Variants in CDK5RAP1 observed in about 807,000 individuals in gnomAD.
CDK5RAP1 encodes the protein CDK5RAP1 mitochondrial tRNA methylthiotransferase.
A neutral mutation model predicts 64.5 loss-of-function variants in CDK5RAP1; 62 were observed. The ratio of observed to expected loss-of-function variants is 0.96; its 90% CI spans 0.78 to 1.19. CDK5RAP1 has a LOEUF of 1.19. Among genes scored for constraint, CDK5RAP1 ranks in the 50% most tolerant of loss-of-function variants. CDK5RAP1 has a pLI of 0.00. For synonymous variants in CDK5RAP1, 250 were observed against 261.9 expected (o/e 0.95, Z 0.44); for missense variants, 657 against 735.0 (o/e 0.89, Z 1.23).
intron 5 of CDK5RAP1, among the ~76,000 whole-genome samples, 200 bp from the exon 6 acceptor site, chr20:33,387,733 A>G (rs1396585565): frequency 1.3e-5 from 2 of 152,096 alleles, no homozygotes; most frequent in Non-Finnish European, 2.9e-5. Flanking sequence ...AAAACCACAG[A>G]AAAGGGTTCC....
intron 12 of CDK5RAP1, among the ~76,000 whole-genome samples, chr20:33,362,077 G>A (rs1983048427): frequency 6.6e-6 from 1 of 152,032 alleles, no homozygotes; most frequent in African/African-American, 2.4e-5. Context: ...GTGGAGGTGG[G>A]TGGAAGAGGA....
chr20:33,374,469 T>C (rs1017582325), intron 8 of CDK5RAP1, among the ~76,000 whole-genome samples: 6 of 151,796 alleles, frequency 4.0e-5, no homozygotes, highest in African/African-American at 1.5e-4. Context: ...ATTAAAGCCA[T>C]GGGAGCTGAA....
In CDK5RAP1 at chr20:33,367,027, A is replaced by AG; in HGVS notation, c.1393-20dup. 6.3e-7 allele frequency: 1 copy of AG among 1,590,740 alleles called. No individual in the cohort carries two copies. Among genetic ancestry groups the AG allele is most frequent in the Non-Finnish European group, 8.5e-7 (1 of 1,170,864 alleles). On this transcript the variant is annotated intron_variant, in intron 11 of 13. Transcript: ENST00000346416. ...GTGTCTTCTATTAAAAAAAAAAAAA[A>AG]GAGAGAAGATGGAGGTCACCAAGGA...
intron 5 of CDK5RAP1, among the ~76,000 whole-genome samples, chr20:33,390,567 A>AAT (rs1460195096): frequency 6.6e-6 from 1 of 152,162 alleles, no homozygotes; most frequent in East Asian, 1.9e-4. Flanking sequence ...AAACAATGTG[A>AAT]ATATACTTAG....
chr20:33,393,422 A>C (rs756604378), intron 4 of CDK5RAP1, among the ~76,000 whole-genome samples: 11 of 152,096 alleles, frequency 7.2e-5, no homozygotes, highest in South Asian at 2.1e-4. Context: ...CCCATATCAG[A>C]CTAGGCTCCT....
chr20:33,370,416 T>G (rs1294496299), intron 11 of CDK5RAP1, 83 bp downstream of exon 11: 3 of 1,460,320 alleles, frequency 2.1e-6, no homozygotes, highest in Non-Finnish European at 2.8e-6. Flanking sequence ...TTGCCGCCAC[T>G]CTCTTTTCTG....
intron 1 of CDK5RAP1, among the ~76,000 whole-genome samples, chr20:33,400,671 C>T (rs1989320821): frequency 6.6e-6 from 1 of 152,076 alleles, no homozygotes; most frequent in Non-Finnish European, 1.5e-5. Flanking sequence ...AAAACTTAGC[C>T]GGGTGTGGTG....
intron 2 of CDK5RAP1, among the ~76,000 whole-genome samples, chr20:33,396,270 G>C (rs919689490): frequency 6.6e-6 from 1 of 152,222 alleles, no homozygotes; most frequent in African/African-American, 2.4e-5. Context: ...GTAAGAATAT[G>C]AATTTCACAT....
chr20:33,384,082 A>T (rs1032344440), intron 7 of CDK5RAP1, among the ~76,000 whole-genome samples: 1 of 152,152 alleles, frequency 6.6e-6, no homozygotes, highest in Non-Finnish European at 1.5e-5. Context: ...CCAATAGATA[A>T]CCATTGTTTG....
chr20:33,396,448 A>C (rs1276472517), intron 2 of CDK5RAP1, among the ~76,000 whole-genome samples: 1 of 152,132 alleles, frequency 6.6e-6, no homozygotes, highest in Non-Finnish European at 1.5e-5. Context: ...CTACAGGTGC[A>C]CACTATCATA....
chr20:33,396,567 T>C (rs1330649545), intron 2 of CDK5RAP1, among the ~76,000 whole-genome samples, 194 bp downstream of exon 2: 1 of 152,178 alleles, frequency 6.6e-6, no homozygotes, highest in Non-Finnish European at 1.5e-5. Flanking sequence ...CCCAAAGTGC[T>C]GGGATTACAG....
At chr20:33,367,967 T>C (rs1425850728) in intron 11 of CDK5RAP1, among the ~76,000 whole-genome samples, 1 of 152,200 alleles carries the variant, frequency 6.6e-6, no homozygotes, top group African/African-American at 2.4e-5. Flanking sequence ...CTCCATTCTG[T>C]CTTACTACTA....
intron 11 of CDK5RAP1, 46 bp downstream of exon 11, chr20:33,370,453 A>T (rs1245953949): frequency 6.2e-6 from 10 of 1,608,162 alleles, no homozygotes; most frequent in Non-Finnish European, 8.5e-6. Flanking sequence ...CACCACCCCC[A>T]AACTGGTCAG....
At chr20:33,375,213 C>A (rs1348010214) in intron 8 of CDK5RAP1, among the ~76,000 whole-genome samples, 1 of 151,446 alleles carries the variant, frequency 6.6e-6, no homozygotes, top group African/African-American at 2.4e-5. Context: ...ACCAGCTTGG[C>A]CAACATGGTA....
At chr20:33,359,281 A>C in intron 13 of CDK5RAP1, 158 bp from the exon 14 acceptor site, 1 of 607,598 alleles carries the variant, frequency 1.6e-6, no homozygotes, top group Non-Finnish European at 2.9e-6. Context: ...TCCTGGCAGG[A>C]AGCGAGGTCT....
At chr20:33,381,786 C>T (rs549464972) in intron 7 of CDK5RAP1, among the ~76,000 whole-genome samples, 12 of 151,910 alleles carry the variant, frequency 7.9e-5, no homozygotes, top group Non-Finnish European at 1.3e-4. Flanking sequence ...GAGGACCGTG[C>T]GATGCATTTA....
chr20:33,373,166 G>GTGTGTGTGTC (rs2146623151), intron 9 of CDK5RAP1: 1 of 165,482 alleles, frequency 6.0e-6, no homozygotes, highest in South Asian at 1.7e-4. Context: ...GTGTGTGTGT[G>GTGTGTGTGTC]TGTGTGTGTC....
At chr20:33,383,475 C>G (rs1987022430) in intron 7 of CDK5RAP1, 1 of 152,138 alleles carries the variant, frequency 6.6e-6, no homozygotes, top group Non-Finnish European at 1.5e-5. Flanking sequence ...CACAGTGGCT[C>G]TTACCTGTAA....
intron 8 of CDK5RAP1, among the ~76,000 whole-genome samples, chr20:33,376,105 G>T (rs1985963066): frequency 6.6e-6 from 1 of 152,104 alleles, no homozygotes; most frequent in South Asian, 2.1e-4. Flanking sequence ...AAGATGGGTG[G>T]ATCATGAAGT....
Sources: gnomAD v4.1 joint callset for allele counts (sites outside exome capture counted in the v4.1 genomes callset) on GRCh38, gnomAD v4.1.1 for gene constraint, MANE v1.5 for transcripts, NCBI Gene and HGNC (gene_info 2026-07-23, HGNC 2026-07-21) for gene names.